Variants in SASH1 observed in about 807,000 individuals in gnomAD.
SASH1 encodes SAM and SH3 domain-containing protein 1.
A neutral mutation model predicts 125.2 loss-of-function variants in SASH1; 44 were observed. That is an observed-to-expected ratio of 0.35 (90% CI 0.28 to 0.45). The LOEUF (loss-of-function observed/expected upper bound fraction) is 0.45. Among genes scored for constraint, SASH1 ranks in the 20% least tolerant of loss-of-function variants. SASH1 has a pLI of 1.00. For synonymous variants in SASH1, 639 were observed against 649.1 expected, an observed-to-expected ratio of 0.98 and a Z score of 0.24; for missense variants, 1,426 against 1,614.5, an observed-to-expected ratio of 0.88 and a Z score of 2.00.
intron 16 of SASH1, among the ~76,000 whole-genome samples, chr6:148,537,759 A>G (rs939870731): frequency 1.3e-5 from 2 of 148,240 alleles, no homozygotes; most frequent in Admixed American, 1.3e-4. Context: ...GAATATTCAT[A>G]GGTGTCTTAG....
At chr6:148,339,536 A>G (rs544010521), upstream of SASH1, among the ~76,000 whole-genome samples, 1 of 151,012 alleles carries the variant, frequency 6.6e-6, no homozygotes, top group Non-Finnish European at 1.5e-5. Context: ...AATTATAAAT[A>G]TAGATATCTA....
intron 1 of SASH1, 55 bp from the exon 2 acceptor site, chr6:148,390,079 G>C: frequency 6.2e-7 from 1 of 1,602,654 alleles, no homozygotes; most frequent in Non-Finnish European, 8.5e-7. Context: ...TCCGATGGCT[G>C]TGGGCTTTTC....
chr6:148,474,110 G>A lies in SASH1; in HGVS notation c.515G>A (p.Gly172Glu), dbSNP rs1482797908. The part of the protein sequence containing the change: ...QKGIMRQTSK[G>E]EDVGYVASEI... ...GTTGTTCTTTGTCCTCAATCTCCAGGAGAAGACGTTGGTTATGTTGCCAGT... is the reference window on the plus strand; with the variant it reads ...GTTGTTCTTTGTCCTCAATCTCCAGAAGAAGACGTTGGTTATGTTGCCAGT... Residue 172 changes from glycine to glutamate, a missense_variant and splice_region_variant, in exon 7 of 20, where the codon GGA becomes GAA. Physicochemically the swap from Gly to Glu is moderately conservative, Grantham distance 98 (BLOSUM62 -2). Transcript: ENST00000367467. 17 of 1,602,698 alleles carry A rather than the reference G, an allele frequency of 1.1e-5. No individual in the cohort carries two copies. Among genetic ancestry groups the A allele is most frequent in the Non-Finnish European group, 1.4e-5 (16 of 1,171,684 alleles).
intron 1 of SASH1, among the ~76,000 whole-genome samples, chr6:148,331,674 G>A (rs952282719): frequency 2.0e-5 from 3 of 151,906 alleles, no homozygotes; most frequent in African/African-American, 7.3e-5. Context: ...AAACCTAACT[G>A]GCTATTGCCT....
chr6:148,524,775 C>T (rs1264516811), intron 10 of SASH1: 1 of 152,970 alleles, frequency 6.5e-6, no homozygotes, highest in Non-Finnish European at 1.5e-5. Context: ...ACCTTCTCCC[C>T]CCCTCTTCTC....
intron 4 of SASH1, among the ~76,000 whole-genome samples, chr6:148,446,746 C>T (rs556225561): frequency 6.6e-6 from 1 of 152,296 alleles, no homozygotes; most frequent in East Asian, 1.9e-4. Context: ...AAGCACTTAA[C>T]ATTGACTCAC....
chr6:148,313,597 T>G (rs1288315722), intron 1 of SASH1, among the ~76,000 whole-genome samples: 1 of 152,164 alleles, frequency 6.6e-6, no homozygotes, highest in African/African-American at 2.4e-5. Context: ...ATGTCGAGAC[T>G]TTTTACCCTT....
At chr6:148,259,573 G>A in the SASH1 span, among the ~76,000 whole-genome samples, 1 of 152,160 alleles carries the variant, frequency 6.6e-6, no homozygotes, top group South Asian at 2.1e-4. Context: ...GTCGCTGGGT[G>A]CCCCGGGAAG....
the SASH1 span, among the ~76,000 whole-genome samples, chr6:148,196,585 C>G: frequency 6.6e-6 from 1 of 152,158 alleles, no homozygotes. Flanking sequence ...GAATACCTGC[C>G]TCATTGAAGC....
chr6:148,543,375 G>A (rs1460494895), intron 17 of SASH1, among the ~76,000 whole-genome samples: 1 of 152,146 alleles, frequency 6.6e-6, no homozygotes, highest in African/African-American at 2.4e-5. Flanking sequence ...CGATTGCAGT[G>A]GGGCACAGAC....
intron 7 of SASH1, 100 bp from the exon 8 acceptor site, chr6:148,487,514 C>G (rs1252836035): frequency 2.4e-6 from 2 of 825,432 alleles, no homozygotes; most frequent in Non-Finnish European, 3.9e-6. Flanking sequence ...AGATTATGAA[C>G]CAGGAACCTA....
At chr6:148,209,678 T>C in the SASH1 span, among the ~76,000 whole-genome samples, 1 of 152,190 alleles carries the variant, frequency 6.6e-6, no homozygotes, top group African/African-American at 2.4e-5. Flanking sequence ...CCAGCATCCA[T>C]GTACTCTCTG....
rs919246250 is a variant in SASH1, at chr6:148,434,138, G to A, written c.286-6046G>A. On this transcript the variant is annotated intron_variant, in intron 2 of 19. Transcript: ENST00000367467. ...GTCCCCCAGGCTGGAGTGCAGTGGC[G>A]CAATCTTGGCTCACTGCAAGCTCTG... Among the ~76,000 whole-genome samples, 8 of 126,606 alleles carry A rather than the reference G, an allele frequency of 6.3e-5. No homozygotes were observed. In the East Asian group the frequency reaches 7.3e-4, roughly 12 times the overall value. The allele number at this position is 126,606 out of a possible 152,430, so 83.1% of individuals were successfully genotyped here.
chr6:148,245,264 G>A, the SASH1 span, among the ~76,000 whole-genome samples: 1 of 152,132 alleles, frequency 6.6e-6, no homozygotes, highest in East Asian at 1.9e-4. Context: ...TTCTATCAAG[G>A]AAGAGCAGAT....
At chr6:148,368,762 ACGCG>A (rs781320365) in intron 1 of SASH1, among the ~76,000 whole-genome samples, 3 of 131,386 alleles carry the variant, frequency 2.3e-5, no homozygotes, top group Admixed American at 7.5e-5. Context: ...ATGCGCGCGC[ACGCG>A]CGCGCACACA....
chr6:148,206,140 G>T, the SASH1 span, among the ~76,000 whole-genome samples: 27 of 151,924 alleles, frequency 1.8e-4, no homozygotes, highest in African/African-American at 6.0e-4. Context: ...CTATTAAAGA[G>T]AAAATGTATT....
intron 2 of SASH1, among the ~76,000 whole-genome samples, chr6:148,391,422 T>TAAAA (rs398038813): frequency 2.8e-4 from 32 of 114,422 alleles, no homozygotes; most frequent in Non-Finnish European, 4.7e-4. Flanking sequence ...GACACTTTTA[T>TAAAA]AAAAAAAAAA....
intron 4 of SASH1, among the ~76,000 whole-genome samples, chr6:148,463,599 G>C (rs62432307): frequency 0.086 from 13,118 of 152,204 alleles, 739 homozygotes; most frequent in Non-Finnish European, 0.13. Flanking sequence ...GGTTGCCCTG[G>C]AGCTCAGTCT....
chr6:148,355,609 G>A (rs574173964), intron 1 of SASH1, among the ~76,000 whole-genome samples: 3 of 152,260 alleles, frequency 2.0e-5, no homozygotes, highest in South Asian at 2.1e-4. Context: ...GCCCCTGAGT[G>A]GCTGCATATT....
Sources: allele counts gnomAD v4.1 joint callset (sites outside exome capture counted in the v4.1 genomes callset), GRCh38; gene constraint gnomAD v4.1.1; transcripts MANE v1.5; gene names NCBI Gene and HGNC (gene_info 2026-07-23, HGNC 2026-07-21).